The following ADAM23 variants were observed in gnomAD, a reference collection of about 807,000 sequenced individuals.
ADAM23 encodes the protein disintegrin and metalloproteinase domain-containing protein 23.
ADAM23 carries 33 observed loss-of-function variants against 120.1 expected under a neutral mutation model. The observed-to-expected ratio is 0.27, with a 90% CI of 0.21 to 0.37. The LOEUF (loss-of-function observed/expected upper bound fraction) is 0.37, where lower values mean the gene tolerates loss of function less well. ADAM23 is among the 10% of genes least tolerant of loss of function. ADAM23 has a pLI of 1.00. For synonymous variants in ADAM23, 367 were observed against 375.2 expected (o/e 0.98, Z 0.25); for missense variants, 862 against 1,058.2 (o/e 0.81, Z 2.57).
intron 3 of ADAM23, among the ~76,000 whole-genome samples, chr2:206,508,776 G>A (rs762967291): frequency 5.9e-5 from 9 of 152,096 alleles, no homozygotes; most frequent in Non-Finnish European, 1.2e-4. Context: ...TACCTACTAA[G>A]TTCCAGGTGC....
chr2:206,520,868 T>C (rs1696829145), intron 3 of ADAM23, among the ~76,000 whole-genome samples: 1 of 152,082 alleles, frequency 6.6e-6, no homozygotes, highest in African/African-American at 2.4e-5. Flanking sequence ...GATCACTGTT[T>C]CTAAACCCAC....
chr2:206,446,018 G>A (rs1167569285), intron 2 of ADAM23, among the ~76,000 whole-genome samples: 2 of 151,914 alleles, frequency 1.3e-5, no homozygotes, highest in Non-Finnish European at 2.9e-5. Flanking sequence ...TGATCAGTAG[G>A]AGGAAAAAAA....
intron 2 of ADAM23, among the ~76,000 whole-genome samples, chr2:206,474,379 A>G (rs1186205345): frequency 6.6e-6 from 1 of 152,154 alleles, no homozygotes; most frequent in Non-Finnish European, 1.5e-5. Flanking sequence ...AAAATTTGCA[A>G]ATTTTGCTGA....
At chr2:206,599,204 CAA>C (rs199786169) in intron 24 of ADAM23, among the ~76,000 whole-genome samples, 19 of 70,190 alleles carry the variant, frequency 2.7e-4, no homozygotes, top group Admixed American at 6.7e-4. Flanking sequence ...GATTCCATCT[CAA>C]AAAAAAAAAA....
intron 2 of ADAM23, among the ~76,000 whole-genome samples, chr2:206,469,684 A>G (rs749798244): frequency 2.0e-5 from 3 of 152,202 alleles, no homozygotes; most frequent in Non-Finnish European, 4.4e-5. Flanking sequence ...GTGGCCCACA[A>G]GGTGCTACAC....
Position 206,554,612 on chromosome 2 carries a change from A to G in ADAM23, c.934-2815A>G, listed in dbSNP as rs916153419. 4.6e-5 allele frequency among the ~76,000 whole-genome samples: 7 copies of G among 152,314 alleles called. No individual in the cohort carries two copies. The East Asian group carries it at 9.6e-4, about 21-fold the overall frequency. On this transcript the variant is annotated intron_variant, in intron 9 of 25. Transcript: ENST00000264377. ...TTTTCATTAATAATCATGATTTGTT[A>G]GGAATATATATAAACTATTTAATAG...
chr2:206,567,516 A>C (rs556906596), intron 15 of ADAM23, among the ~76,000 whole-genome samples, 194 bp downstream of exon 15: 1 of 152,200 alleles, frequency 6.6e-6, no homozygotes, highest in Non-Finnish European at 1.5e-5. Context: ...TAGATTCAGC[A>C]TTCTCAGTCT....
intron 25 of ADAM23, among the ~76,000 whole-genome samples, chr2:206,615,192 T>C (rs772809735): frequency 2.4e-4 from 37 of 152,012 alleles, no homozygotes; most frequent in Non-Finnish European, 3.8e-4. Context: ...GTATAATGTA[T>C]ATTGTAGACA....
intron 3 of ADAM23, among the ~76,000 whole-genome samples, chr2:206,507,228 C>T (rs539840463): frequency 6.6e-6 from 1 of 152,020 alleles, no homozygotes; most frequent in East Asian, 1.9e-4. Flanking sequence ...GATCTGTGGC[C>T]CCACCGAATG....
At chr2:206,600,888 T>G (rs1698627800) in intron 24 of ADAM23, among the ~76,000 whole-genome samples, 1 of 152,218 alleles carries the variant, frequency 6.6e-6, no homozygotes, top group Non-Finnish European at 1.5e-5. Context: ...CATTATTTAT[T>G]TTTTCTACGT....
chr2:206,546,408 A>G (rs1181688463), intron 6 of ADAM23, among the ~76,000 whole-genome samples: 1 of 152,214 alleles, frequency 6.6e-6, no homozygotes, highest in Non-Finnish European at 1.5e-5. Context: ...TACGCATGGG[A>G]TATTTCTAAT....
chr2:206,543,771 G>GCA, intron 6 of ADAM23, among the ~76,000 whole-genome samples: 1 of 147,928 alleles, frequency 6.8e-6, no homozygotes, highest in Non-Finnish European at 1.5e-5. Context: ...ACACACACAC[G>GCA]CACACGCACC....
At chr2:206,528,131 T>A (rs745528339) in intron 3 of ADAM23, among the ~76,000 whole-genome samples, 25 of 152,294 alleles carry the variant, frequency 1.6e-4, no homozygotes, top group African/African-American at 5.8e-4. Context: ...GTTGAAAATG[T>A]TGAAAATAGT....
chr2:206,600,467 A>G (rs1698619961), intron 24 of ADAM23, among the ~76,000 whole-genome samples: 1 of 152,202 alleles, frequency 6.6e-6, no homozygotes, highest in Non-Finnish European at 1.5e-5. Context: ...TAATGAAAAT[A>G]TGGCCTTTTT....
At chr2:206,460,776 C>T (rs1695401177) in intron 2 of ADAM23, among the ~76,000 whole-genome samples, 2 of 152,042 alleles carry the variant, frequency 1.3e-5, no homozygotes, top group Admixed American at 6.6e-5. Flanking sequence ...TATTTTGTTG[C>T]CTGTGCATTT....
Position 206,550,299 on chromosome 2 carries a change from G to A in ADAM23, c.933+139G>A, listed in dbSNP as rs182321284. On this transcript the variant is annotated intron_variant, in intron 9 of 25. Coordinates refer to ENST00000264377, the MANE Select transcript of ADAM23 (RefSeq NM_003812.4). The stretch of plus-strand genomic sequence containing the variant: ...TATTAAGTGACTTGATTTATTTGTC[G>A]GTGTTTGGAGACTCTGAGTTTTATA... The A allele has an allele frequency of 9.6e-4, 416 of 434,046 alleles. 7 individuals are homozygous for A. In the East Asian group the frequency reaches 0.013, roughly 13 times the overall value. The allele number at this position is 434,046 out of a possible 1,614,324, so 26.9% of individuals were successfully genotyped here.
chr2:206,519,603 G>A (rs144951307), intron 3 of ADAM23, among the ~76,000 whole-genome samples: 3 of 152,202 alleles, frequency 2.0e-5, no homozygotes, highest in African/African-American at 4.8e-5. Flanking sequence ...AAAATTCTCT[G>A]TTCTCTTTCT....
At chr2:206,532,836 G>A (rs534212223) in intron 4 of ADAM23, among the ~76,000 whole-genome samples, 1 of 151,950 alleles carries the variant, frequency 6.6e-6, no homozygotes, top group South Asian at 2.1e-4. Context: ...TTCACTATCC[G>A]AATAACTTCA....
At chr2:206,591,575 A>G (rs1338186405) in intron 21 of ADAM23, among the ~76,000 whole-genome samples, 1 of 151,978 alleles carries the variant, frequency 6.6e-6, no homozygotes, top group Non-Finnish European at 1.5e-5. Context: ...GTTTGTTTTC[A>G]TTTTTTGGCT....
Sources: allele counts gnomAD v4.1 joint callset (sites outside exome capture counted in the v4.1 genomes callset), GRCh38; gene constraint gnomAD v4.1.1; transcripts MANE v1.5; gene names NCBI Gene and HGNC (gene_info 2026-07-23, HGNC 2026-07-21).